Variants in PCDHGB2 observed in about 807,000 individuals in gnomAD.
PCDHGB2 encodes the protein protocadherin gamma subfamily B, 2, also known as protocadherin gamma-B2.
PCDHGB2 carries 55 observed loss-of-function variants against 59.3 expected under a neutral mutation model. The observed-to-expected ratio is 0.93, with a 90% CI of 0.75 to 1.16. PCDHGB2 has a LOEUF of 1.16. Ranked by LOEUF, PCDHGB2 falls within the 50% of genes most tolerant of loss-of-function variation. The pLI, the probability that PCDHGB2 is intolerant of heterozygous loss-of-function variation, is 0.00. For missense variants in PCDHGB2, 1,228 were observed against 1,198.5 expected (o/e 1.02, Z -0.36); for synonymous variants, 516 against 512.0 (o/e 1.01, Z -0.11).
chr5:141,492,386 G>C (rs1343104703), intron 1 of PCDHGB2, among the ~76,000 whole-genome samples: 1 of 152,202 alleles, frequency 6.6e-6, no homozygotes, highest in African/African-American at 2.4e-5. Context: ...GCCTGTTCCG[G>C]TCCACTCGCA....
Position 141,431,559 on chromosome 5 carries a change from C to A in PCDHGB2, c.2422-63248C>A. On this transcript the variant is annotated intron_variant, in intron 1 of 3. Coordinates refer to ENST00000522605, the MANE Select transcript of PCDHGB2 (RefSeq NM_018923.3). The surrounding 1 kb of genome is among the most constrained non-coding windows in gnomAD (Gnocchi z 4.8). ...ACGCAGCTGCTTGTAGTCAACGCTA[C>A]CGACCCTGACGAAGGAGTCAATGCG... is the stretch of plus-strand genomic sequence containing the variant. 6.2e-7 allele frequency: 1 copy of A among 1,614,158 alleles called. No homozygotes were observed. The highest frequency in any genetic ancestry group is 8.5e-7 in the Non-Finnish European group (1 of 1,180,030).
chr5:141,430,477 A>G (rs1329218924), intron 1 of PCDHGB2: 1 of 244,524 alleles, frequency 4.1e-6, no homozygotes, highest in Non-Finnish European at 7.7e-6. Context: ...TATTTAAGAT[A>G]TAAAAACGAA....
In PCDHGB2 at chr5:141,360,626, C is replaced by T. The variant is rs767378932; in HGVS notation, c.491C>T (p.Pro164Leu). Reference sequence around the variant, plus strand: ...CCAGCCCTGGATTCAGATGTTGGTCCTAACTCACTACAAAGATACCACCTT... The same window carrying T: ...CCAGCCCTGGATTCAGATGTTGGTCTTAACTCACTACAAAGATACCACCTT... ...LDPALDSDVG[P>L]NSLQRYHLND... The change falls in exon 1 of 4, where the codon CCT becomes CTT. Residue 164 changes from proline (P) to leucine (L), a missense_variant. Pro to Leu is a moderately conservative substitution (Grantham distance 98, BLOSUM62 -3). Around this residue, in one of 3 missense-constraint regions of PCDHGB2, gnomAD observed 781 missense variants for 721.6 expected, o/e 1.08. Coordinates refer to ENST00000522605, the MANE Select transcript of PCDHGB2 (RefSeq NM_018923.3). 1.5e-5 allele frequency: 24 copies of T among 1,613,892 alleles called. No homozygotes were observed. The highest frequency in any genetic ancestry group is 7.6e-6 in the Non-Finnish European group (9 of 1,179,898).
rs752071139 is a variant in PCDHGB2 at position 141,422,722 on chromosome 5, G to A, written c.2421+60166G>A. ...CTCTCTGACGGATGACACTGTCCAG[G>A]GGGTGCCTCTGTCCTCCTATGTCTC... On this transcript the variant is annotated intron_variant, in intron 1 of 3. Coordinates refer to ENST00000522605, the MANE Select transcript of PCDHGB2 (RefSeq NM_018923.3). The A allele has an allele frequency of 2.4e-5, 39 of 1,605,774 alleles. No homozygotes were observed. In the South Asian group the frequency reaches 4.0e-4, roughly 17 times the overall value.
At chr5:141,365,845 A>T in intron 1 of PCDHGB2, 2 of 1,613,920 alleles carry the variant, frequency 1.2e-6, no homozygotes, top group Non-Finnish European at 1.7e-6. Flanking sequence ...CCTCCTATGT[A>T]TCCATTAACT....
At chr5:141,506,084 C>T (rs1426222889) in intron 3 of PCDHGB2, among the ~76,000 whole-genome samples, 8 of 152,068 alleles carry the variant, frequency 5.3e-5, no homozygotes, top group African/African-American at 1.9e-4. Flanking sequence ...AATAGAGATT[C>T]GGCTAGTGGT....
rs1024041994 is a variant in PCDHGB2 at position 141,409,578 on chromosome 5, T to C, written c.2421+47022T>C. The C allele has an allele frequency of 3.1e-6, 5 of 1,613,824 alleles. No individual in the cohort carries two copies. In the Admixed American group the frequency reaches 6.7e-5, roughly 22 times the overall value. On this transcript the variant is annotated intron_variant, in intron 1 of 3. Coordinates refer to ENST00000522605, the MANE Select transcript of PCDHGB2 (RefSeq NM_018923.3). Reference sequence around the variant, plus strand: ...GTTTTCGACCAGACGTCCTACGTGGTCCACGTGGCCGAGAACAACCCGCCA... The same window carrying C: ...GTTTTCGACCAGACGTCCTACGTGGCCCACGTGGCCGAGAACAACCCGCCA...
At chr5:141,452,354 G>C (rs2154563893) in intron 1 of PCDHGB2, among the ~76,000 whole-genome samples, 1 of 152,240 alleles carries the variant, frequency 6.6e-6, no homozygotes, top group Non-Finnish European at 1.5e-5. Flanking sequence ...TTATCCAAAA[G>C]CCTTGCTTCA....
At chr5:141,464,282 A>AG (rs1318553407) in intron 1 of PCDHGB2, among the ~76,000 whole-genome samples, 1 of 151,396 alleles carries the variant, frequency 6.6e-6, no homozygotes, top group Non-Finnish European at 1.5e-5. Flanking sequence ...AAAAAAGCAA[A>AG]AAAAAAAACT....
chr5:141,492,395 C>G (rs2099740183), intron 1 of PCDHGB2, among the ~76,000 whole-genome samples: 1 of 152,242 alleles, frequency 6.6e-6, no homozygotes, highest in African/African-American at 2.4e-5. Flanking sequence ...GGTCCACTCG[C>G]AGCTCCCCTC....
At chr5:141,463,900 C>G (rs879243077) in intron 1 of PCDHGB2, among the ~76,000 whole-genome samples, 4 of 152,168 alleles carry the variant, frequency 2.6e-5, no homozygotes, top group Admixed American at 2.6e-4. Context: ...GCTTTTTGTA[C>G]TAATAATATA....
chr5:141,457,172 T>C (rs1425263344), intron 1 of PCDHGB2, among the ~76,000 whole-genome samples: 1 of 152,212 alleles, frequency 6.6e-6, no homozygotes, highest in East Asian at 1.9e-4. Context: ...ATAACCCTAT[T>C]GCAAATAGTA....
intron 1 of PCDHGB2, among the ~76,000 whole-genome samples, chr5:141,454,796 ATTTTTTTTTTTTT>A (rs61612330): frequency 7.8e-5 from 6 of 77,408 alleles, no homozygotes; most frequent in African/African-American, 1.2e-4. Flanking sequence ...CATGGTTCTA[ATTTTTTTTTTTTT>A]TTTTTTTTTT....
At chr5:141,414,037 T>C (rs769920301) in intron 1 of PCDHGB2, 2 of 1,611,060 alleles carry the variant, frequency 1.2e-6, no homozygotes, top group Admixed American at 1.7e-5. Context: ...ATTCCGAAAA[T>C]TACCTGACAC....
Position 141,431,709 on chromosome 5 carries a change from T to G in PCDHGB2, c.2422-63098T>G, listed in dbSNP as rs1561854893. ...CACGAGGAGTCAGGATTCTACCAGA[T>G]GGAAGTGCAAGCAATGGATAATGCA... On this transcript the variant is annotated intron_variant, in intron 1 of 3. Coordinates refer to ENST00000522605, the MANE Select transcript of PCDHGB2 (RefSeq NM_018923.3). The surrounding 1 kb of genome is among the most constrained non-coding windows in gnomAD (Gnocchi z 4.8). The G allele has an allele frequency of 6.2e-7, 1 of 1,614,168 alleles. No individual in the cohort carries two copies. Among genetic ancestry groups the G allele is most frequent in the Middle Eastern group, 1.6e-4 (1 of 6,062 alleles).
intron 1 of PCDHGB2, chr5:141,395,373 G>C: frequency 8.4e-7 from 1 of 1,189,414 alleles, no homozygotes; most frequent in Non-Finnish European, 1.1e-6. Context: ...TATTTTGGTG[G>C]TGTTACTATA....
At chr5:141,469,314 C>A (rs982242861) in intron 1 of PCDHGB2, among the ~76,000 whole-genome samples, 1 of 151,982 alleles carries the variant, frequency 6.6e-6, no homozygotes, top group Non-Finnish European at 1.5e-5. Flanking sequence ...CGATGGCTCA[C>A]GCCTGTAATC....
chr5:141,455,632 TG>T (rs1394377963), intron 1 of PCDHGB2, among the ~76,000 whole-genome samples: 1 of 151,924 alleles, frequency 6.6e-6, no homozygotes, highest in African/African-American at 2.4e-5. Flanking sequence ...TGGAGATATG[TG>T]GGGGGCAGCC....
intron 1 of PCDHGB2, chr5:141,429,251 A>C (rs2097199889): frequency 6.6e-6 from 1 of 151,884 alleles, no homozygotes; most frequent in Non-Finnish European, 1.5e-5. Context: ...GAGATATTTT[A>C]ATTGAGGAAT....
Sources: allele counts gnomAD v4.1 joint callset (sites outside exome capture counted in the v4.1 genomes callset), GRCh38; gene constraint gnomAD v4.1.1; regional missense constraint gnomAD v4.1.1; non-coding constraint Gnocchi (gnomAD v3.1); transcripts MANE v1.5; gene names NCBI Gene and HGNC (gene_info 2026-07-23, HGNC 2026-07-21).